The following CRYBG2 variants were observed in gnomAD, a reference collection of about 807,000 sequenced individuals.
CRYBG2 encodes beta/gamma crystallin domain-containing protein 2.
Under a neutral mutation model 153.4 loss-of-function variants are expected in CRYBG2, and 106 were observed. The ratio of observed to expected loss-of-function variants is 0.69; its 90% CI spans 0.59 to 0.81. The LOEUF is 0.81. CRYBG2 is among the 30% of genes least tolerant of loss of function. The probability of loss-of-function intolerance (pLI) is 0.00; values close to 1 mark genes in which losing one functional copy is unlikely to be tolerated. For synonymous variants in CRYBG2, 851 were observed against 877.8 expected, an observed-to-expected ratio of 0.97 and a Z score of 0.54; for missense variants, 1,996 against 2,112.0, an observed-to-expected ratio of 0.95 and a Z score of 1.08.
chr1:26,342,653 C>G, intron 5 of CRYBG2, 101 bp downstream of exon 5: 1 of 1,523,958 alleles, frequency 6.6e-7, no homozygotes, highest in Non-Finnish European at 8.8e-7. Flanking sequence ...CCTGCCTTGG[C>G]TTCCCAAAGT....
intron 1 of CRYBG2, among the ~76,000 whole-genome samples, chr1:26,352,813 C>T (rs530493214): frequency 3.3e-4 from 50 of 150,996 alleles, no homozygotes; most frequent in African/African-American, 1.2e-3. Flanking sequence ...TCTCTGCAGC[C>T]CTTGTCCCCC....
Position 26,336,082 on chromosome 1 carries a change from TC to T in CRYBG2, c.4184+12del, listed in dbSNP as rs1337365518. On this transcript the variant is annotated intron_variant, in intron 14 of 19. Transcript: ENST00000308182. This position sits in a 1 kb window ranked among gnomAD's most constrained non-coding sequence, Gnocchi z 4.9. Reference sequence around the variant, plus strand: ...CCCAGCGCCCCCAGCCCTCCGCCCCTCCACGTTCTCACCTGCCGCCGTGGAC... The same window carrying T: ...CCCAGCGCCCCCAGCCCTCCGCCCCTCACGTTCTCACCTGCCGCCGTGGAC... 3 of 1,446,200 alleles carry T rather than the reference TC, an allele frequency of 2.1e-6. No individual in the cohort carries two copies. Among genetic ancestry groups the T allele is most frequent in the Non-Finnish European group, 1.8e-6 (2 of 1,091,992 alleles). The allele number at this position is 1,446,200 out of a possible 1,614,324, so 89.6% of individuals were successfully genotyped here.
chr1:26,346,500 T>C lies in CRYBG2; in HGVS notation c.158A>G (p.Glu53Gly). ...CTCTCGACGGCTGAACTCAAACATC[T>C]CCTTCTGCGGGGCTTCCATCTGGGC... ...SGAQMEAPQK[E>G]MFEFSRREEV... Residue 53 changes from glutamate (E) to glycine (G), a missense_variant, in exon 2 of 20, where the codon GAG (glutamate) becomes GGG (glycine). Transcript: ENST00000308182. This position sits in a 1 kb window ranked among gnomAD's most constrained non-coding sequence, Gnocchi z 4.9. 3.1e-6 allele frequency: 5 copies of C among 1,612,868 alleles called. No individual in the cohort carries two copies. Among genetic ancestry groups the C allele is most frequent in the Non-Finnish European group, 4.2e-6 (5 of 1,179,812 alleles).
intron 14 of CRYBG2, among the ~76,000 whole-genome samples, chr1:26,332,348 C>T (rs1233081455): frequency 6.7e-6 from 1 of 150,060 alleles, no homozygotes; most frequent in African/African-American, 2.4e-5. Context: ...GAGTATAATG[C>T]AGCAGTTAAG....
chr1:26,345,783 G>A lies in CRYBG2; in HGVS notation c.875C>T (p.Ala292Val). ...AGCACTGGCTGGGATGCCTGTAGAGGCCAGGGCAGAGCTGTCTTTAAGCTC... is the reference window on the plus strand; with the variant it reads ...AGCACTGGCTGGGATGCCTGTAGAGACCAGGGCAGAGCTGTCTTTAAGCTC... Reference protein sequence around the residue: ...TAELKDSSALASTGIPASAHL... With the variant: ...TAELKDSSALVSTGIPASAHL... The change falls in exon 2 of 20, where the codon GCC becomes GTC. Residue 292 changes from alanine (A) to valine (V), a missense_variant. Coordinates refer to ENST00000308182, the MANE Select transcript of CRYBG2 (RefSeq NM_001039775.4). The A allele has an allele frequency of 6.3e-7, 1 of 1,596,914 alleles. No individual in the cohort carries two copies. The highest frequency in any genetic ancestry group is 8.5e-7 in the Non-Finnish European group (1 of 1,179,176).
chr1:26,343,130 T>TGC lies in CRYBG2; in HGVS notation c.2990_2991insGC (p.Gly998GlnfsTer20), dbSNP rs1166466362. 24 of 1,550,404 alleles carry TGC rather than the reference T, an allele frequency of 1.5e-5. No homozygotes were observed. Among genetic ancestry groups the TGC allele is most frequent in the Non-Finnish European group, 2.0e-5 (23 of 1,146,962 alleles). On this transcript the variant is annotated frameshift_variant, in exon 4 of 20. Transcript: ENST00000308182. LOFTEE classifies it high-confidence loss of function. This position sits in a 1 kb window ranked among gnomAD's most constrained non-coding sequence, Gnocchi z 4.1. ...CTCCCCAGACCTCCCTGCCACTGCCTTGGCAGCCAGACTCTGAGAAGAAGA... is the reference window on the plus strand; with the variant it reads ...CTCCCCAGACCTCCCTGCCACTGCCTGCTGGCAGCCAGACTCTGAGAAGAAGA...
chr1:26,352,067 GA>G (rs1199248324), intron 1 of CRYBG2, among the ~76,000 whole-genome samples: 1 of 151,940 alleles, frequency 6.6e-6, no homozygotes, highest in Admixed American at 6.6e-5. Context: ...GGGAGTGTGG[GA>G]AAGAGCCTTG....
rs2074105052 is a variant in CRYBG2 at position 26,339,572 on chromosome 1, C to T, written c.3205-143G>A. ...AGACCAGCTGACCAACATGGAGAAA[C>T]CCAGTCTCTACTAAAAATACAAAAT... On this transcript the variant is annotated intron_variant, in intron 5 of 19. Transcript: ENST00000308182. The T allele has an allele frequency of 8.5e-6, 7 of 818,868 alleles. No individual in the cohort carries two copies. The South Asian group carries it at 1.2e-4, about 14-fold the overall frequency. 50.7% of individuals were successfully genotyped at this position (818,868 alleles called of 1,614,324 possible).
rs2074074633 is a variant in CRYBG2 at position 26,337,376 on chromosome 1, C to T, written c.3648G>A (p.Trp1216Ter). Reference protein sequence around the residue: ...VGSLRVLGGCWVGYEKEGFRG... With the variant: ...VGSLRVLGGC ...GGAAGCCCTCCTTCTCGTAGCCCACCCAGCTGGGAAAAGCAGGAGGACAGA... is the reference window on the plus strand; with the variant it reads ...GGAAGCCCTCCTTCTCGTAGCCCACTCAGCTGGGAAAAGCAGGAGGACAGA... Residue 1216 changes from tryptophan (W) to a stop codon, truncating the protein, a stop_gained, in exon 10 of 20, where the codon TGG becomes TGA. Coordinates refer to ENST00000308182, the MANE Select transcript of CRYBG2 (RefSeq NM_001039775.4). LOFTEE classifies it high-confidence loss of function. 1 of 1,613,228 alleles carries T rather than the reference C, an allele frequency of 6.2e-7. No individual in the cohort carries two copies. Among genetic ancestry groups the T allele is most frequent in the South Asian group, 1.1e-5 (1 of 90,992 alleles).
At chr1:26,347,758 C>T (rs924300834) in intron 1 of CRYBG2, among the ~76,000 whole-genome samples, 8 of 151,958 alleles carry the variant, frequency 5.3e-5, no homozygotes, top group Non-Finnish European at 8.8e-5. Context: ...CCAAAGTGCT[C>T]GGATTACAAG....
chr1:26,343,317 G>A lies in CRYBG2; in HGVS notation c.2914-24C>T. Reference sequence around the variant, plus strand: ...CTCTGAAACGGAGGCAGGTGATAAAGAAGTCCTGTGGGGTCACCTCTTTTC... The same window carrying A: ...CTCTGAAACGGAGGCAGGTGATAAAAAAGTCCTGTGGGGTCACCTCTTTTC... On this transcript the variant is annotated intron_variant, in intron 2 of 19. Transcript: ENST00000308182. This position sits in a 1 kb window ranked among gnomAD's most constrained non-coding sequence, Gnocchi z 4.1. The A allele has an allele frequency of 6.5e-7, 1 of 1,550,078 alleles. No individual in the cohort carries two copies. The highest frequency in any genetic ancestry group is 1.4e-5 in the African/African-American group (1 of 73,066).
intron 1 of CRYBG2, 25 bp downstream of exon 1, chr1:26,354,011 C>A (rs1281535774): frequency 3.0e-5 from 12 of 399,400 alleles, no homozygotes; most frequent in Non-Finnish European, 8.8e-6. Context: ...CCAGTCTCCC[C>A]TCCCATCTCC....
At chr1:26,334,451 T>C (rs763744780) in intron 14 of CRYBG2, among the ~76,000 whole-genome samples, 1 of 151,522 alleles carries the variant, frequency 6.6e-6, no homozygotes, top group Non-Finnish European at 1.5e-5. Flanking sequence ...AATCCAGAAA[T>C]AGATAAAAAT....
chr1:26,341,411 T>C (rs892234746), intron 5 of CRYBG2, among the ~76,000 whole-genome samples: 7 of 152,190 alleles, frequency 4.6e-5, no homozygotes, highest in African/African-American at 1.7e-4. Context: ...TTACAGTCAT[T>C]GCTCTTCCTT....
At chr1:26,330,067 C>A (rs2073981219) in intron 15 of CRYBG2, among the ~76,000 whole-genome samples, 1 of 152,222 alleles carries the variant, frequency 6.6e-6, no homozygotes, top group African/African-American at 2.4e-5. Context: ...CAAGCCACTG[C>A]ACTTGGCTTC....
Position 26,344,337 on chromosome 1 carries a change from A to G in CRYBG2, c.2321T>C (p.Met774Thr). The G allele has an allele frequency of 1.3e-6, 2 of 1,503,212 alleles. 1 individual carries two copies. Among genetic ancestry groups the G allele is most frequent in the South Asian group, 2.6e-5 (2 of 78,168 alleles). The allele number at this position is 1,503,212 out of a possible 1,614,324, so 93.1% of individuals were successfully genotyped here. ...AGTGCGGAGGATCTCAGGGGGCTCC[A>G]TGCTCCGCAGCGTATCCAGGAATAT... Reference protein sequence around the residue: ...LEIFLDTLRSMEPPEILRTHR... With the variant: ...LEIFLDTLRSTEPPEILRTHR... The change falls in exon 2 of 20, where the codon ATG becomes ACG. Residue 774 changes from methionine to threonine, a missense_variant. Coordinates refer to ENST00000308182, the MANE Select transcript of CRYBG2 (RefSeq NM_001039775.4).
chr1:26,343,133 G>T lies in CRYBG2; in HGVS notation c.2988C>A (p.Cys996Ter). The change falls in exon 4 of 20, where the codon TGC (cysteine) becomes TGA (stop). Residue 996 changes from cysteine (C) to a stop codon, truncating the protein, a stop_gained. Coordinates refer to ENST00000308182, the MANE Select transcript of CRYBG2 (RefSeq NM_001039775.4). LOFTEE classifies it high-confidence loss of function. This position sits in a 1 kb window ranked among gnomAD's most constrained non-coding sequence, Gnocchi z 4.1. ...CCCAGACCTCCCTGCCACTGCCTTGGCAGCCAGACTCTGAGAAGAAGATCA... is the reference window on the plus strand; with the variant it reads ...CCCAGACCTCCCTGCCACTGCCTTGTCAGCCAGACTCTGAGAAGAAGATCA... ...GKVIFFSESG[C>*]QGSGREVWGD... 1.3e-6 allele frequency: 2 copies of T among 1,550,512 alleles called. No individual in the cohort carries two copies. Among genetic ancestry groups the T allele is most frequent in the South Asian group, 2.4e-5 (2 of 84,062 alleles).
chr1:26,328,928 C>T, intron 15 of CRYBG2, 55 bp from the exon 16 acceptor site: 1 of 1,604,666 alleles, frequency 6.2e-7, no homozygotes, highest in Non-Finnish European at 8.5e-7. Context: ...GTCCCAGACG[C>T]AGCCCCACAA....
At chr1:26,326,895 C>CA in intron 17 of CRYBG2, 1 of 485,952 alleles carries the variant, frequency 2.1e-6, no homozygotes. Flanking sequence ...TTGTCCAAAA[C>CA]AAAAAACATG....
Sources: allele counts gnomAD v4.1 joint callset (sites outside exome capture counted in the v4.1 genomes callset), GRCh38; gene constraint gnomAD v4.1.1; non-coding constraint Gnocchi (gnomAD v3.1); transcripts MANE v1.5; gene names NCBI Gene and HGNC (gene_info 2026-07-23, HGNC 2026-07-21).